SWT1: variants seen among roughly 807,000 people sequenced by gnomAD.
The protein encoded by SWT1 is SWT1 RNA endoribonuclease homolog.
A neutral mutation model predicts 107.3 loss-of-function variants in SWT1; 33 were observed. The ratio of observed to expected loss-of-function variants is 0.31; its 90% CI spans 0.23 to 0.41. SWT1 has a LOEUF of 0.41. Ranked by LOEUF, SWT1 falls within the 10% of genes least tolerant of loss-of-function variation. The probability of loss-of-function intolerance (pLI) is 1.00; values close to 1 mark genes in which losing one functional copy is unlikely to be tolerated. For missense variants in SWT1, 898 were observed against 1,028.9 expected (o/e 0.87, Z 1.74); for synonymous variants, 345 against 348.3 (o/e 0.99, Z 0.11).
chr1:185,163,479 T>C (rs543543199), intron 2 of SWT1, among the ~76,000 whole-genome samples: 1 of 151,230 alleles, frequency 6.6e-6, no homozygotes, highest in East Asian at 2.0e-4. Context: ...CTGCAACCTC[T>C]GCCTCCTGGG....
chr1:185,262,849 T>C (rs1663122190), intron 16 of SWT1, among the ~76,000 whole-genome samples: 1 of 151,346 alleles, frequency 6.6e-6, no homozygotes, highest in Admixed American at 6.6e-5. Flanking sequence ...TGCAGTGGCA[T>C]GATCTTGGCT....
chr1:185,243,981 T>C lies in SWT1; in HGVS notation c.2441+12273T>C, dbSNP rs187136861. ...TGTATGCTATTGGAGTGTAAAATAG[T>C]ATAGAATGTATCGATCAGCCTTCTT... On this transcript the variant is annotated intron_variant, in intron 16 of 18. Coordinates refer to ENST00000367500, the MANE Select transcript of SWT1 (RefSeq NM_017673.7). Among the ~76,000 whole-genome samples, 232 of 152,296 alleles carry C rather than the reference T, an allele frequency of 1.5e-3. 1 individual carries two copies. Among genetic ancestry groups the C allele is most frequent in the East Asian group, 9.6e-3 (50 of 5,188 alleles).
Position 185,214,675 on chromosome 1 carries a change from C to T in SWT1, c.2121+20C>T. On this transcript the variant is annotated intron_variant, in intron 14 of 18. Transcript: ENST00000367500. ...GCAGAGGTAAGATGCCTTTGGAATG[C>T]CAGTTAGAGTAGCTAATTATACATG... The T allele has an allele frequency of 1.9e-6, 3 of 1,589,218 alleles. No individual in the cohort carries two copies. The highest frequency in any genetic ancestry group is 2.6e-6 in the Non-Finnish European group (3 of 1,168,278).
chr1:185,245,327 A>G (rs1186925663), intron 16 of SWT1, among the ~76,000 whole-genome samples: 1 of 152,168 alleles, frequency 6.6e-6, no homozygotes, highest in Non-Finnish European at 1.5e-5. Context: ...CAGGATCATC[A>G]GTGTCACTGT....
At chr1:185,194,775 G>A (rs1657246264) in intron 10 of SWT1, among the ~76,000 whole-genome samples, 1 of 152,002 alleles carries the variant, frequency 6.6e-6, no homozygotes, top group African/African-American at 2.4e-5. Flanking sequence ...GAAACTGCTT[G>A]ATTTTCCTTT....
chr1:185,176,367 C>T (rs1655557875), intron 5 of SWT1, among the ~76,000 whole-genome samples: 1 of 145,802 alleles, frequency 6.9e-6, no homozygotes, highest in South Asian at 2.2e-4. Context: ...AAGAATGAGT[C>T]GAAGTTACTT....
chr1:185,233,248 C>T (rs779885056), intron 16 of SWT1, among the ~76,000 whole-genome samples: 1 of 152,156 alleles, frequency 6.6e-6, no homozygotes, highest in African/African-American at 2.4e-5. Flanking sequence ...TTTCAAAAAA[C>T]CAGCTCCTGG....
At chr1:185,229,172 G>A (rs919601653) in intron 15 of SWT1, among the ~76,000 whole-genome samples, 4 of 152,166 alleles carry the variant, frequency 2.6e-5, no homozygotes, top group South Asian at 4.1e-4. Context: ...GCGAGATACC[G>A]GTTTAGGTGT....
intron 16 of SWT1, among the ~76,000 whole-genome samples, chr1:185,243,993 C>T (rs556115612): frequency 1.1e-4 from 17 of 152,096 alleles, no homozygotes; most frequent in South Asian, 2.1e-4. Flanking sequence ...TAGAATGTAT[C>T]GATCAGCCTT....
intron 16 of SWT1, among the ~76,000 whole-genome samples, chr1:185,266,169 T>G (rs529062868): frequency 1.3e-5 from 2 of 152,298 alleles, no homozygotes; most frequent in Middle Eastern, 3.4e-3. Context: ...GTTCACGCCA[T>G]TCTCCTGCCT....
rs143022833 is a variant in SWT1 at position 185,278,050 on chromosome 1, C to T, written c.2573+1382C>T. 1.8e-3 allele frequency among the ~76,000 whole-genome samples: 273 copies of T among 152,114 alleles called. 1 individual carries two copies. The highest frequency in any genetic ancestry group is 6.3e-3 in the African/African-American group (263 of 41,486). ...TGTTGCCCAGGGTGGTCTCGAACTC[C>T]TGGACTCAAGCAGTCCTCCTGCCTT... On this transcript the variant is annotated intron_variant, in intron 18 of 18. Coordinates refer to ENST00000367500, the MANE Select transcript of SWT1 (RefSeq NM_017673.7).
chr1:185,225,572 A>G (rs369294353), intron 15 of SWT1, among the ~76,000 whole-genome samples: 1 of 152,198 alleles, frequency 6.6e-6, no homozygotes, highest in South Asian at 2.1e-4. Flanking sequence ...TTTTATTTAA[A>G]TATTTAGATA....
intron 16 of SWT1, among the ~76,000 whole-genome samples, chr1:185,258,597 G>T (rs1484734027): frequency 6.6e-6 from 1 of 151,990 alleles, no homozygotes; most frequent in African/African-American, 2.4e-5. Flanking sequence ...ATGGATTCTA[G>T]ATTGACTATT....
rs1658359902 is a variant in SWT1 at position 185,206,678 on chromosome 1, A to G, written c.1887A>G (p.Lys629=). Residue 629 remains lysine (K), a synonymous_variant, in exon 13 of 19, where the codon AAA becomes AAG. Coordinates refer to ENST00000367500, the MANE Select transcript of SWT1 (RefSeq NM_017673.7). The part of the protein sequence containing the change: ...WTLLHLLQCF[K]KHWLAVFGLV... ...TACTACATTTACTACAGTGCTTTAA[A>G]AAACATTGGTTGGCTGTATTTGGAT... 6.2e-7 allele frequency: 1 copy of G among 1,610,002 alleles called. No individual in the cohort carries two copies. The highest frequency in any genetic ancestry group is 8.5e-7 in the Non-Finnish European group (1 of 1,177,562).
intron 16 of SWT1, among the ~76,000 whole-genome samples, chr1:185,252,500 T>G (rs1381632920): frequency 6.6e-6 from 1 of 152,232 alleles, no homozygotes; most frequent in African/African-American, 2.4e-5. Context: ...GGTATCCCAT[T>G]GTGGTTTTGA....
chr1:185,179,471 G>C (rs1176610972), intron 5 of SWT1, among the ~76,000 whole-genome samples: 4 of 152,152 alleles, frequency 2.6e-5, no homozygotes, highest in Non-Finnish European at 5.9e-5. Flanking sequence ...AATTTGGAGG[G>C]AGATTTTCAG....
chr1:185,165,324 G>A (rs1654477372), intron 2 of SWT1, among the ~76,000 whole-genome samples: 1 of 152,136 alleles, frequency 6.6e-6, no homozygotes, highest in South Asian at 2.1e-4. Flanking sequence ...ACAGAGACAT[G>A]AAGTGAGCAC....
intron 1 of SWT1, among the ~76,000 whole-genome samples, chr1:185,159,196 A>G (rs1653928991): frequency 6.6e-6 from 1 of 152,234 alleles, no homozygotes; most frequent in Non-Finnish European, 1.5e-5. Flanking sequence ...AGCCTTATTC[A>G]TTGTGGTAGC....
intron 5 of SWT1, chr1:185,176,501 A>G (rs766939887): frequency 5.7e-5 from 52 of 911,356 alleles, no homozygotes; most frequent in Non-Finnish European, 6.6e-5. Context: ...TATGTAATGT[A>G]ATTGCCATTT....
Sources: gnomAD v4.1 joint callset for allele counts (sites outside exome capture counted in the v4.1 genomes callset) on GRCh38, gnomAD v4.1.1 for gene constraint, MANE v1.5 for transcripts, NCBI Gene and HGNC (gene_info 2026-07-23, HGNC 2026-07-21) for gene names.